THRAP3: variants seen among roughly 807,000 people sequenced by gnomAD.
The protein encoded by THRAP3 is thyroid hormone receptor-associated protein 3.
A neutral mutation model predicts 101.0 loss-of-function variants in THRAP3; 16 were observed. The observed-to-expected ratio is 0.16, with a 90% CI of 0.11 to 0.24. The LOEUF (loss-of-function observed/expected upper bound fraction) is 0.24. THRAP3 is among the 10% of genes least tolerant of loss of function. The pLI, the probability that THRAP3 is intolerant of heterozygous loss-of-function variation, is 1.00. For synonymous variants in THRAP3, 407 were observed against 422.6 expected (o/e 0.96, Z 0.45); for missense variants, 989 against 1,202.7 (o/e 0.82, Z 2.63).
Position 36,301,829 on chromosome 1 carries a change from A to G in THRAP3, c.2646+133A>G, listed in dbSNP as rs117812859. On this transcript the variant is annotated intron_variant, in intron 11 of 11. Coordinates refer to ENST00000354618, the MANE Select transcript of THRAP3 (RefSeq NM_005119.4). Reference sequence around the variant, plus strand: ...AGGATTATTGCACTGGGGCATGTGTACTTGCATAGTGCTAACTAGATGGGT... The same window carrying G: ...AGGATTATTGCACTGGGGCATGTGTGCTTGCATAGTGCTAACTAGATGGGT... 3.0e-5 allele frequency: 34 copies of G among 1,124,568 alleles called. No individual in the cohort carries two copies. In the East Asian group the frequency reaches 8.5e-4, roughly 28 times the overall value. 69.7% of individuals were successfully genotyped at this position (1,124,568 alleles called of 1,614,324 possible). A position where few individuals can be genotyped will look rare whatever the true frequency, so the allele number is the denominator to read the frequency against.
chr1:36,299,168 C>T (rs567589874), intron 9 of THRAP3, among the ~76,000 whole-genome samples: 2 of 151,904 alleles, frequency 1.3e-5, no homozygotes, highest in African/African-American at 4.8e-5. Context: ...TGGCCGGATG[C>T]GGTGGCTCAC....
At chr1:36,264,932 A>G (rs1645494200) in intron 2 of THRAP3, among the ~76,000 whole-genome samples, 1 of 152,266 alleles carries the variant, frequency 6.6e-6, no homozygotes, top group East Asian at 1.9e-4. Flanking sequence ...TGGTTCTTCT[A>G]GAGAGCCATG....
chr1:36,286,848 C>G lies in THRAP3; in HGVS notation c.618C>G (p.Phe206Leu), dbSNP rs1005690550. 10 of 1,614,046 alleles carry G rather than the reference C, an allele frequency of 6.2e-6. No individual in the cohort carries two copies. Among genetic ancestry groups the G allele is most frequent in the African/African-American group, 2.7e-5 (2 of 74,922 alleles). The change falls in exon 4 of 12, where the codon TTC becomes TTG. Residue 206 changes from phenylalanine (F) to leucine (L), a missense_variant. Phe to Leu is a conservative substitution (Grantham distance 22, BLOSUM62 0). Coordinates refer to ENST00000354618, the MANE Select transcript of THRAP3 (RefSeq NM_005119.4). This position sits in a 1 kb window ranked among gnomAD's most constrained non-coding sequence, Gnocchi z 5.5. ...GAGATGAGGCCAAGGAGCAGACATT[C>G]TCTGGAGGCACCTCTCAAGATACAA... ...NQGDEAKEQT[F>L]SGGTSQDTKA...
chr1:36,219,101 C>A, the THRAP3 span, among the ~76,000 whole-genome samples: 1 of 150,746 alleles, frequency 6.6e-6, no homozygotes, highest in East Asian at 1.9e-4. Flanking sequence ...GGCAAAACAG[C>A]CTTATTGCTG....
At chr1:36,237,488 A>AT (rs935532561) in intron 1 of THRAP3, among the ~76,000 whole-genome samples, 4 of 148,530 alleles carry the variant, frequency 2.7e-5, no homozygotes, top group African/African-American at 4.9e-5. Context: ...AAAAAAAAAA[A>AT]GGCTGGGCGC....
the THRAP3 span, among the ~76,000 whole-genome samples, chr1:36,217,892 G>A: frequency 2.6e-5 from 4 of 152,026 alleles, no homozygotes; most frequent in Non-Finnish European, 4.4e-5. Flanking sequence ...ATTGACATTA[G>A]GCCAATTAAT....
chr1:36,304,623 G>A lies in THRAP3; in HGVS notation c.*606G>A, dbSNP rs1395451921. 4.5e-6 allele frequency: 1 copy of A among 223,194 alleles called. No individual in the cohort carries two copies. Among genetic ancestry groups the A allele is most frequent in the Non-Finnish European group, 9.0e-6 (1 of 111,406 alleles). 13.8% of individuals were successfully genotyped at this position (223,194 alleles called of 1,614,324 possible). A position where few individuals can be genotyped will look rare whatever the true frequency, so the allele number is the denominator to read the frequency against. On this transcript the variant is annotated 3_prime_UTR_variant, in exon 12 of 12. Transcript: ENST00000354618. ...GTAAAAACCGGTTTTGTATGTCAAG[G>A]AGGAGTTTAAGGCCTTTCCGACCAC...
the THRAP3 span, among the ~76,000 whole-genome samples, chr1:36,213,997 G>GAAA: frequency 8.6e-5 from 7 of 81,080 alleles, no homozygotes; most frequent in East Asian, 3.7e-4. Context: ...AAGAAAGAAA[G>GAAA]GAAAGAAAGA....
chr1:36,279,929 G>A (rs935720187), intron 2 of THRAP3, among the ~76,000 whole-genome samples: 8 of 152,122 alleles, frequency 5.3e-5, no homozygotes, highest in East Asian at 1.9e-4. Context: ...CCATAAGTTC[G>A]TTAGTACCCC....
chr1:36,244,913 G>T (rs954112646), intron 1 of THRAP3, among the ~76,000 whole-genome samples: 1 of 151,872 alleles, frequency 6.6e-6, no homozygotes, highest in Non-Finnish European at 1.5e-5. Context: ...GTAGAGACGG[G>T]GTTTCATGAT....
At chr1:36,257,444 G>A (rs989858309) in intron 1 of THRAP3, among the ~76,000 whole-genome samples, 11 of 152,152 alleles carry the variant, frequency 7.2e-5, no homozygotes, top group African/African-American at 2.4e-4. Flanking sequence ...TAGAAGGGAA[G>A]AGGGTCTATT....
At chr1:36,236,522 C>G (rs1427995998) in intron 1 of THRAP3, among the ~76,000 whole-genome samples, 2 of 151,936 alleles carry the variant, frequency 1.3e-5, no homozygotes, top group Admixed American at 1.3e-4. Flanking sequence ...CTCCCTTCCC[C>G]TGAGCTTAAC....
chr1:36,232,306 G>T (rs1489426675), intron 1 of THRAP3, among the ~76,000 whole-genome samples: 1 of 152,040 alleles, frequency 6.6e-6, no homozygotes, highest in South Asian at 2.1e-4. Context: ...ATACTCATAA[G>T]TTCTTATTAC....
chr1:36,240,944 C>T (rs536243878), intron 1 of THRAP3, among the ~76,000 whole-genome samples: 7 of 152,138 alleles, frequency 4.6e-5, no homozygotes, highest in Non-Finnish European at 8.8e-5. Context: ...CAGTGGCTCA[C>T]GCCTGTAATC....
rs750335115 is a variant in THRAP3 at position 36,301,594 on chromosome 1, C to T, written c.2544C>T (p.Tyr848=). ...ARGRGWGRGN[Y]SGNNNNNSNN... is the part of the protein sequence containing the mutation. Reference sequence around the variant, plus strand: ...GAAGAGGCTGGGGCAGAGGCAACTACTCTGGGAACAATAACAACAACAGCA... The same window carrying T: ...GAAGAGGCTGGGGCAGAGGCAACTATTCTGGGAACAATAACAACAACAGCA... Residue 848 remains tyrosine (Y), a synonymous_variant, in exon 11 of 12, where the codon TAC becomes TAT. Coordinates refer to ENST00000354618, the MANE Select transcript of THRAP3 (RefSeq NM_005119.4). 3.7e-6 allele frequency: 6 copies of T among 1,614,184 alleles called. No homozygotes were observed. Among genetic ancestry groups the T allele is most frequent in the Non-Finnish European group, 5.1e-6 (6 of 1,180,030 alleles).
the THRAP3 span, among the ~76,000 whole-genome samples, chr1:36,211,473 G>A: frequency 9.2e-5 from 14 of 152,136 alleles, 1 homozygote; most frequent in Non-Finnish European, 1.8e-4. Flanking sequence ...AGGAAGTGGC[G>A]GCTGCAGTGA....
At chr1:36,287,299 G>A in intron 4 of THRAP3, 29 bp downstream of exon 4, 1 of 1,557,708 alleles carries the variant, frequency 6.4e-7, no homozygotes, top group East Asian at 2.3e-5. Flanking sequence ...CTGCCTGGTT[G>A]TGTTTTTATC....
intron 3 of THRAP3, among the ~76,000 whole-genome samples, chr1:36,285,442 G>A (rs898664640): frequency 2.0e-4 from 30 of 152,244 alleles, no homozygotes; most frequent in East Asian, 1.5e-3. Flanking sequence ...TCATTGACAA[G>A]CCTGACACTC....
intron 6 of THRAP3, 106 bp from the exon 7 acceptor site, chr1:36,292,492 G>C: frequency 4.1e-6 from 3 of 731,656 alleles, no homozygotes; most frequent in Non-Finnish European, 6.9e-6. Context: ...GGATGGTCTC[G>C]ATCTCTTGAC....
Sources: gnomAD v4.1 joint callset for allele counts (sites outside exome capture counted in the v4.1 genomes callset) on GRCh38, gnomAD v4.1.1 for gene constraint, Gnocchi (gnomAD v3.1) non-coding constraint, MANE v1.5 for transcripts, NCBI Gene and HGNC (gene_info 2026-07-23, HGNC 2026-07-21) for gene names.